The following ZFP28 variants were observed in gnomAD, a reference collection of about 807,000 sequenced individuals.
ZFP28 encodes ZFP28 zinc finger protein, also known as zinc finger protein 28 homolog.
In ZFP28, 31 loss-of-function variants were observed where a neutral mutation model predicts 39.5. The observed-to-expected ratio is 0.79, with a 90% CI of 0.59 to 1.06. The LOEUF is 1.06. ZFP28 is among the 50% of genes least tolerant of loss of function. The probability of loss-of-function intolerance (pLI) is 0.00; values close to 1 mark genes in which losing one functional copy is unlikely to be tolerated. For missense variants in ZFP28, 925 were observed against 1,048.4 expected, an observed-to-expected ratio of 0.88 and a Z score of 1.63; for synonymous variants, 400 against 378.6, an observed-to-expected ratio of 1.06 and a Z score of -0.66.
At chr19:56,539,799 C>A in intron 2 of ZFP28, 83 bp downstream of exon 2, 1 of 1,317,080 alleles carries the variant, frequency 7.6e-7, no homozygotes, top group South Asian at 1.3e-5. Flanking sequence ...TGAAAGTTTT[C>A]AGTTTAAGAG....
intron 2 of ZFP28, chr19:56,546,169 A>G (rs2044239689): frequency 6.6e-6 from 1 of 152,208 alleles, no homozygotes; most frequent in Admixed American, 6.5e-5. Flanking sequence ...TAGGTAACCA[A>G]GTGAGGTTTC....
intron 2 of ZFP28, among the ~76,000 whole-genome samples, chr19:56,544,162 T>C (rs184502421): frequency 3.3e-4 from 50 of 152,294 alleles, no homozygotes; most frequent in African/African-American, 1.2e-3. Flanking sequence ...ATCATGACGG[T>C]TTTAGAAATT....
At chr19:56,550,689 T>C (rs372903510) in intron 7 of ZFP28, 84 bp downstream of exon 7, 5 of 1,603,312 alleles carry the variant, frequency 3.1e-6, no homozygotes, top group Admixed American at 1.7e-5. Context: ...CTCACTAATA[T>C]ACAGTAGGAA....
chr19:56,550,878 C>T, intron 7 of ZFP28: 1 of 1,438,576 alleles, frequency 7.0e-7, no homozygotes, highest in East Asian at 2.5e-5. Flanking sequence ...TTTTCTGGAC[C>T]CTGATGCACT....
At chr19:56,552,914 T>C (rs1357300463) in intron 7 of ZFP28, 1 of 152,250 alleles carries the variant, frequency 6.6e-6, no homozygotes, top group African/African-American at 2.4e-5. Context: ...TTGTTTGTTT[T>C]ATTTACATAT....
chr19:56,556,179 A>G lies in ZFP28; in HGVS notation c.*787A>G, dbSNP rs982841586. 1 of 152,232 alleles carries G rather than the reference A, an allele frequency of 6.6e-6. No individual in the cohort carries two copies. Among genetic ancestry groups the G allele is most frequent in the Non-Finnish European group, 1.5e-5 (1 of 68,040 alleles). The allele number at this position is 152,232 out of a possible 1,614,324, so 9.4% of individuals were successfully genotyped here. A position where few individuals can be genotyped will look rare whatever the true frequency, so the allele number is the denominator to read the frequency against. On this transcript the variant is annotated 3_prime_UTR_variant, in exon 8 of 8. Coordinates refer to ENST00000301318, the MANE Select transcript of ZFP28 (RefSeq NM_020828.2). ...ATGGTCCATGATCTAGAATTTAAAA[A>G]AATTTTAAAGGGTTGAAAAAAGTGA...
upstream of ZFP28, among the ~76,000 whole-genome samples, chr19:56,537,161 C>T (rs1349882673): frequency 6.6e-6 from 1 of 152,260 alleles, no homozygotes; most frequent in Non-Finnish European, 1.5e-5. Context: ...AGCAAACCTT[C>T]TGGTGGCTGG....
At chr19:56,551,054 C>T (rs969673103) in intron 7 of ZFP28, 1 of 1,158,422 alleles carries the variant, frequency 8.6e-7, no homozygotes. Context: ...TAAATGTAAG[C>T]CATCAGTGAA....
At chr19:56,541,379 A>G (rs1042136633) in intron 2 of ZFP28, among the ~76,000 whole-genome samples, 4 of 152,194 alleles carry the variant, frequency 2.6e-5, no homozygotes, top group African/African-American at 7.2e-5. Context: ...CACCAGCAGC[A>G]GGTCCAAGTC....
chr19:56,539,587 G>C (rs1466723010), intron 1 of ZFP28, 38 bp from the exon 2 acceptor site: 2 of 1,563,156 alleles, frequency 1.3e-6, no homozygotes, highest in Non-Finnish European at 1.8e-6. Flanking sequence ...TGGGACTGTG[G>C]TGTAGACCTG....
rs1488235576 is a variant in ZFP28 at position 56,539,008 on chromosome 19, C to T, written c.-11C>T. The T allele has an allele frequency of 9.3e-6, 13 of 1,403,896 alleles. No homozygotes were observed. Among genetic ancestry groups the T allele is most frequent in the Non-Finnish European group, 1.1e-5 (12 of 1,085,636 alleles). The allele number at this position is 1,403,896 out of a possible 1,614,324, so 87.0% of individuals were successfully genotyped here. A position where few individuals can be genotyped will look rare whatever the true frequency, so the allele number is the denominator to read the frequency against. ...GACCGGTCGGAAGGGCGTCGCGCGG[C>T]CTCGGGTGACATGCGGGGGGCGGCG... is the stretch of plus-strand genomic sequence containing the variant. On this transcript the variant is annotated 5_prime_UTR_variant, in exon 1 of 8. Coordinates refer to ENST00000301318, the MANE Select transcript of ZFP28 (RefSeq NM_020828.2).
At chr19:56,545,665 G>A (rs2044235387) in intron 2 of ZFP28, 1 of 152,228 alleles carries the variant, frequency 6.6e-6, no homozygotes, top group Admixed American at 6.5e-5. Context: ...GAGACATTGA[G>A]GACACACATG....
At chr19:56,549,734 CA>C (rs1400234908) in intron 5 of ZFP28, among the ~76,000 whole-genome samples, 1 of 151,790 alleles carries the variant, frequency 6.6e-6, no homozygotes, top group East Asian at 1.9e-4. Flanking sequence ...AGATTTCATA[CA>C]AGAGAAAAAC....
rs536325672 is a variant in ZFP28 at position 56,549,533 on chromosome 19, C to T, written c.687+412C>T. ...TCTACTAAAAATACAAAAAATTAGCCGGGCGTGCTGGCGGGCGCCTGTAGT... is the reference window on the plus strand; with the variant it reads ...TCTACTAAAAATACAAAAAATTAGCTGGGCGTGCTGGCGGGCGCCTGTAGT... On this transcript the variant is annotated intron_variant, in intron 5 of 7. Transcript: ENST00000301318. Among the ~76,000 whole-genome samples, 289 of 152,112 alleles carry T rather than the reference C, an allele frequency of 1.9e-3. 1 individual carries two copies. The highest frequency in any genetic ancestry group is 6.6e-3 in the African/African-American group (276 of 41,516).
chr19:56,547,167 G>A lies in ZFP28; in HGVS notation c.301-341G>A, dbSNP rs186647050. The A allele has an allele frequency of 1.3e-4, 30 of 230,178 alleles. No homozygotes were observed. Among genetic ancestry groups the A allele is most frequent in the Admixed American group, 9.1e-4 (18 of 19,828 alleles). 14.3% of individuals were successfully genotyped at this position (230,178 alleles called of 1,614,324 possible). On this transcript the variant is annotated intron_variant, in intron 2 of 7. Transcript: ENST00000301318. The surrounding 1 kb of genome is among the most constrained non-coding windows in gnomAD (Gnocchi z 4.6). ...AAGTCCAAGATCAAGGTGCCTGCAG[G>A]TTTGGTTTCACCTGAGGCCTCTCTC...
rs1183941245 is a variant in ZFP28, at chr19:56,554,049, T to C, written c.1264T>C (p.Cys422Arg). ...CTATGCAGGAAAAAAGCTTTTCAAG[T>C]GTAATGAATGTAAGAAAACTTTTAC... is the stretch of plus-strand genomic sequence containing the variant. ...GIYAGKKLFK[C>R]NECKKTFTQS... Residue 422 changes from cysteine (C) to arginine (R), a missense_variant, in exon 8 of 8, where the codon TGT becomes CGT. Around this residue, in one of 2 missense-constraint regions of ZFP28, gnomAD observed 556 missense variants for 542.9 expected, o/e 1.02. Coordinates refer to ENST00000301318, the MANE Select transcript of ZFP28 (RefSeq NM_020828.2). The surrounding 1 kb of genome is among the most constrained non-coding windows in gnomAD (Gnocchi z 6.7). The C allele has an allele frequency of 1.9e-5, 31 of 1,613,966 alleles. No individual in the cohort carries two copies. Among genetic ancestry groups the C allele is most frequent in the Non-Finnish European group, 2.5e-5 (30 of 1,180,026 alleles).
upstream of ZFP28, chr19:56,537,555 T>C (rs150636129): frequency 1.1e-4 from 16 of 152,334 alleles, no homozygotes; most frequent in African/African-American, 2.9e-4. Context: ...AGAGAGACCA[T>C]TAGCAGTGTC....
chr19:56,550,516 G>C lies in ZFP28; in HGVS notation c.809G>C (p.Cys270Ser). ...NNSDLGSAGHCVAKPDLVSLL... is the reference protein window; with the variant it reads ...NNSDLGSAGHSVAKPDLVSLL... Reference sequence around the variant, plus strand: ...TCTCTTTTCACTTTTTCAGGACATTGTGTGGCTAAGCCAGATTTAGTCTCT... The same window carrying C: ...TCTCTTTTCACTTTTTCAGGACATTCTGTGGCTAAGCCAGATTTAGTCTCT... Residue 270 changes from cysteine (C) to serine (S), a missense_variant, in exon 7 of 8, where the codon TGT becomes TCT. By Grantham distance (112) the Cys-to-Ser change is moderately radical. Coordinates refer to ENST00000301318, the MANE Select transcript of ZFP28 (RefSeq NM_020828.2). The C allele has an allele frequency of 3.1e-6, 5 of 1,613,510 alleles. No homozygotes were observed. Among genetic ancestry groups the C allele is most frequent in the Non-Finnish European group, 4.2e-6 (5 of 1,179,862 alleles).
chr19:56,550,756 A>G (rs149678058), intron 7 of ZFP28, 151 bp downstream of exon 7: 6 of 1,539,658 alleles, frequency 3.9e-6, no homozygotes, highest in Middle Eastern at 1.7e-4. Flanking sequence ...AGTTCCAAAT[A>G]ATTCTTTCCT....
Sources: allele counts gnomAD v4.1 joint callset (sites outside exome capture counted in the v4.1 genomes callset), GRCh38; gene constraint gnomAD v4.1.1; regional missense constraint gnomAD v4.1.1; non-coding constraint Gnocchi (gnomAD v3.1); transcripts MANE v1.5; gene names NCBI Gene and HGNC (gene_info 2026-07-23, HGNC 2026-07-21).